The following FBXL5 variants were observed in gnomAD, a reference collection of about 807,000 sequenced individuals.
FBXL5 encodes the protein F-box/LRR-repeat protein 5.
A neutral mutation model predicts 78.3 loss-of-function variants in FBXL5; 26 were observed. The ratio of observed to expected loss-of-function variants is 0.33; its 90% CI spans 0.24 to 0.46. The LOEUF (loss-of-function observed/expected upper bound fraction) is 0.46, where lower values mean the gene tolerates loss of function less well. Among genes scored for constraint, FBXL5 ranks in the 20% least tolerant of loss-of-function variants. The pLI, the probability that FBXL5 is intolerant of heterozygous loss-of-function variation, is 1.00. For synonymous variants in FBXL5, 295 were observed against 282.5 expected, an observed-to-expected ratio of 1.04 and a Z score of -0.45; for missense variants, 710 against 829.2, an observed-to-expected ratio of 0.86 and a Z score of 1.77.
At chr4:15,636,329 C>T in intron 5 of FBXL5, 165 bp downstream of exon 5, 2 of 485,416 alleles carry the variant, frequency 4.1e-6, no homozygotes, top group Non-Finnish European at 3.5e-6. Context: ...TGAATTTCAT[C>T]ACTGCTAGTT....
chr4:15,655,483 G>C, upstream of FBXL5: 1 of 759,700 alleles, frequency 1.3e-6, no homozygotes. Flanking sequence ...ACGTGACCGG[G>C]CGCGCGCAGA....
At chr4:15,630,314 T>C (rs1054047601) in intron 6 of FBXL5, among the ~76,000 whole-genome samples, 3 of 152,176 alleles carry the variant, frequency 2.0e-5, no homozygotes, top group South Asian at 2.1e-4. Flanking sequence ...CCTCAAGCCA[T>C]AGATGACTCA....
chr4:15,667,708 A>T (rs1461191649), intron 1 of FBXL5, among the ~76,000 whole-genome samples: 2 of 152,136 alleles, frequency 1.3e-5, no homozygotes, highest in Non-Finnish European at 2.9e-5. Context: ...TAAATAAAAC[A>T]TGAGTTGGCC....
intron 9 of FBXL5, among the ~76,000 whole-genome samples, chr4:15,613,975 G>A (rs993384759): frequency 6.6e-6 from 1 of 152,088 alleles, no homozygotes; most frequent in African/African-American, 2.4e-5. Flanking sequence ...ATCCACTGCT[G>A]GTGAGCTAGT....
intron 10 of FBXL5, among the ~76,000 whole-genome samples, chr4:15,610,492 A>G (rs1162655814): frequency 6.6e-6 from 1 of 152,100 alleles, no homozygotes; most frequent in African/African-American, 2.4e-5. Flanking sequence ...TAAAAAATCA[A>G]TCATTTATCC....
intron 4 of FBXL5, among the ~76,000 whole-genome samples, chr4:15,637,149 C>T (rs577677901): frequency 2.4e-4 from 36 of 152,220 alleles, no homozygotes; most frequent in Non-Finnish European, 4.9e-4. Flanking sequence ...GCTTGTATTC[C>T]CTCTTTGATT....
intron 10 of FBXL5, among the ~76,000 whole-genome samples, chr4:15,609,849 T>C (rs938268915): frequency 2.6e-5 from 4 of 152,156 alleles, no homozygotes; most frequent in East Asian, 1.9e-4. Context: ...AACTAACTTA[T>C]TATCTCCAAA....
At chr4:15,648,250 T>C (rs932415439) in intron 1 of FBXL5, among the ~76,000 whole-genome samples, 2 of 152,214 alleles carry the variant, frequency 1.3e-5, no homozygotes, top group Non-Finnish European at 2.9e-5. Context: ...TTTCTGTTAT[T>C]AATTCTGTAT....
intron 9 of FBXL5, among the ~76,000 whole-genome samples, chr4:15,621,281 G>A (rs1310785778): frequency 6.6e-6 from 1 of 152,088 alleles, no homozygotes; most frequent in Non-Finnish European, 1.5e-5. Flanking sequence ...AAATCAACAT[G>A]CAAAACTCAG....
intron 9 of FBXL5, 141 bp from the exon 10 acceptor site, chr4:15,612,555 C>T: frequency 1.4e-6 from 1 of 708,292 alleles, no homozygotes; most frequent in South Asian, 2.1e-5. Context: ...ACACTGATAA[C>T]TAACCTCATC....
chr4:15,629,429 G>A (rs866505933), intron 6 of FBXL5, among the ~76,000 whole-genome samples: 14 of 152,002 alleles, frequency 9.2e-5, no homozygotes, highest in Middle Eastern at 3.4e-3. Context: ...TTAACTAATC[G>A]CTCAATTTAA....
At chr4:15,657,945 A>G (rs1717088040), upstream of FBXL5, among the ~76,000 whole-genome samples, 1 of 152,226 alleles carries the variant, frequency 6.6e-6, no homozygotes, top group Admixed American at 6.5e-5. Context: ...CACCACAAGA[A>G]GTCTGAATAA....
chr4:15,645,866 C>T (rs188702667), intron 1 of FBXL5, among the ~76,000 whole-genome samples: 54 of 152,284 alleles, frequency 3.5e-4, no homozygotes, highest in East Asian at 7.7e-4. Context: ...TAAATTCATA[C>T]ATTTTTTACT....
chr4:15,630,304 C>T (rs1713494457), intron 6 of FBXL5, among the ~76,000 whole-genome samples: 1 of 152,112 alleles, frequency 6.6e-6, no homozygotes. Flanking sequence ...ATCCTATTTC[C>T]CTCAAGCCAT....
At chr4:15,670,325 T>C (rs1717708323) in intron 1 of FBXL5, among the ~76,000 whole-genome samples, 2 of 152,244 alleles carry the variant, frequency 1.3e-5, no homozygotes, top group Admixed American at 6.5e-5. Context: ...CGTTTAACTT[T>C]ACAGGAAACA....
intron 9 of FBXL5, among the ~76,000 whole-genome samples, chr4:15,624,154 A>G (rs1712770726): frequency 6.6e-6 from 1 of 152,026 alleles, no homozygotes; most frequent in East Asian, 1.9e-4. Flanking sequence ...TATCTTTTCT[A>G]ATGGTAGGGA....
chr4:15,668,943 C>T (rs2148800510), intron 1 of FBXL5, among the ~76,000 whole-genome samples: 1 of 152,302 alleles, frequency 6.6e-6, no homozygotes, highest in East Asian at 1.9e-4. Context: ...CACTGCAGAA[C>T]ATTTGGAAGC....
intron 5 of FBXL5, among the ~76,000 whole-genome samples, chr4:15,632,607 T>C (rs185539401): frequency 5.9e-5 from 9 of 152,210 alleles, no homozygotes; most frequent in African/African-American, 9.6e-5. Context: ...TGGTTTGTAG[T>C]TCTCCTTGAA....
chr4:15,672,625 G>A (rs1005356281), intron 1 of FBXL5, among the ~76,000 whole-genome samples: 1 of 152,202 alleles, frequency 6.6e-6, no homozygotes, highest in Non-Finnish European at 1.5e-5. Context: ...GGAGCTTGTA[G>A]GACTAGAAGT....
Sources: gnomAD v4.1 joint callset for allele counts (sites outside exome capture counted in the v4.1 genomes callset) on GRCh38, gnomAD v4.1.1 for gene constraint, MANE v1.5 for transcripts, NCBI Gene and HGNC (gene_info 2026-07-23, HGNC 2026-07-21) for gene names.